The following SORCS3 variants were observed in gnomAD, a reference collection of about 807,000 sequenced individuals.
SORCS3 encodes the protein VPS10 domain-containing receptor SorCS3.
SORCS3 carries 57 observed loss-of-function variants against 146.3 expected under a neutral mutation model. That is an observed-to-expected ratio of 0.39 (90% confidence interval 0.31 to 0.49). SORCS3 has a LOEUF of 0.49. Ranked by LOEUF, SORCS3 falls within the 20% of genes least tolerant of loss-of-function variation. The probability of loss-of-function intolerance (pLI) is 0.92; values close to 1 mark genes in which losing one functional copy is unlikely to be tolerated. For synonymous variants in SORCS3, 653 were observed against 618.5 expected (o/e 1.06, Z -0.83); for missense variants, 1,341 against 1,575.5 (o/e 0.85, Z 2.52).
chr10:104,795,902 T>A (rs1429921864), intron 1 of SORCS3, among the ~76,000 whole-genome samples: 1 of 152,232 alleles, frequency 6.6e-6, no homozygotes, highest in Non-Finnish European at 1.5e-5. Context: ...TCTTTGATCT[T>A]GGCTTTCTGA....
chr10:104,948,586 A>C (rs1018831736), intron 3 of SORCS3, among the ~76,000 whole-genome samples: 1 of 152,198 alleles, frequency 6.6e-6, no homozygotes, highest in Non-Finnish European at 1.5e-5. Flanking sequence ...CTCTGCCCTC[A>C]TGGCATTAAC....
intron 2 of SORCS3, among the ~76,000 whole-genome samples, chr10:104,893,194 C>T (rs2018766175): frequency 6.6e-6 from 1 of 152,136 alleles, no homozygotes; most frequent in Non-Finnish European, 1.5e-5. Flanking sequence ...TGCTTTATTA[C>T]TTATAATTGA....
At chr10:104,740,034 A>G (rs997607027) in intron 1 of SORCS3, among the ~76,000 whole-genome samples, 4 of 152,240 alleles carry the variant, frequency 2.6e-5, no homozygotes, top group African/African-American at 9.6e-5. Flanking sequence ...CTTTCCTTTT[A>G]CAAATGGGAA....
chr10:104,940,224 ATATATATATATATATTT>A lies in SORCS3; in HGVS notation c.795+24294_795+24310del, dbSNP rs1211532572. Reference sequence around the variant, plus strand: ...TTCTTTTATATATATATATATATATATATATATATATATATTTTTTTTTTTTTTTTTATTATACTTTA... The same window carrying A: ...TTCTTTTATATATATATATATATATATTTTTTTTTTTTTTATTATACTTTA... On this transcript the variant is annotated intron_variant, in intron 3 of 26. Transcript: ENST00000369701. Among the ~76,000 whole-genome samples the A allele has an allele frequency of 5.5e-3, 142 of 25,862 alleles. 4 individuals carry two copies. In the South Asian group the frequency reaches 0.13, roughly 23 times the overall value. The allele number at this position is 25,862 out of a possible 152,430, so 17.0% of individuals were successfully genotyped here.
chr10:104,735,536 C>T (rs541388142), intron 1 of SORCS3, among the ~76,000 whole-genome samples: 15 of 143,616 alleles, frequency 1.0e-4, no homozygotes, highest in Admixed American at 1.0e-3. Context: ...CCCCTCTGCC[C>T]CACCATAGGG....
At chr10:104,847,230 G>A (rs1309934378) in intron 2 of SORCS3, among the ~76,000 whole-genome samples, 5 of 152,136 alleles carry the variant, frequency 3.3e-5, no homozygotes, top group African/African-American at 1.2e-4. Context: ...CTCTGGAAGT[G>A]GAAACTCTGA....
intron 1 of SORCS3, among the ~76,000 whole-genome samples, chr10:104,672,563 T>C (rs543366402): frequency 6.6e-6 from 1 of 152,202 alleles, no homozygotes; most frequent in African/African-American, 2.4e-5. Context: ...AGATCTTTCC[T>C]GTTTTTTAAT....
At chr10:104,825,438 A>G (rs1347736863) in intron 1 of SORCS3, among the ~76,000 whole-genome samples, 1 of 152,174 alleles carries the variant, frequency 6.6e-6, no homozygotes, top group Non-Finnish European at 1.5e-5. Context: ...TCTCAAAGAA[A>G]CAGATCACTT....
chr10:105,017,418 C>G (rs775174223), intron 4 of SORCS3, among the ~76,000 whole-genome samples: 7 of 152,116 alleles, frequency 4.6e-5, no homozygotes, highest in Non-Finnish European at 1.0e-4. Flanking sequence ...GAAAGAGTAT[C>G]AATTAACCAC....
chr10:104,714,615 T>C (rs531301157), intron 1 of SORCS3, among the ~76,000 whole-genome samples: 2 of 152,362 alleles, frequency 1.3e-5, no homozygotes, highest in South Asian at 2.1e-4. Flanking sequence ...TCTGAGGACA[T>C]ACTTTGAAGG....
chr10:105,159,115 A>G, intron 11 of SORCS3, 121 bp downstream of exon 11: 1 of 648,876 alleles, frequency 1.5e-6, no homozygotes, highest in Non-Finnish European at 2.6e-6. Context: ...CTCGCCCCAG[A>G]AAATATGCAG....
At chr10:105,214,239 G>C (rs2056651388) in intron 17 of SORCS3, among the ~76,000 whole-genome samples, 1 of 152,152 alleles carries the variant, frequency 6.6e-6, no homozygotes, top group South Asian at 2.1e-4. Flanking sequence ...CTCTTACCAA[G>C]ATGGAGGGAT....
chr10:104,912,299 G>C (rs1232739215), intron 2 of SORCS3, among the ~76,000 whole-genome samples: 1 of 152,190 alleles, frequency 6.6e-6, no homozygotes, highest in Non-Finnish European at 1.5e-5. Context: ...GCCTTCAAGA[G>C]TGTAGAATTA....
intron 14 of SORCS3, among the ~76,000 whole-genome samples, chr10:105,193,695 A>C (rs1253646328): frequency 6.6e-6 from 1 of 152,218 alleles, no homozygotes; most frequent in Non-Finnish European, 1.5e-5. Context: ...TGAGAGATGA[A>C]GTGATTTGCT....
intron 2 of SORCS3, among the ~76,000 whole-genome samples, chr10:104,895,832 C>G (rs1282431567): frequency 6.6e-6 from 1 of 152,200 alleles, no homozygotes; most frequent in Admixed American, 6.5e-5. Context: ...AATTTCCTCT[C>G]ACTTTGTTTC....
At chr10:104,804,912 T>C (rs2017664512) in intron 1 of SORCS3, among the ~76,000 whole-genome samples, 2 of 152,212 alleles carry the variant, frequency 1.3e-5, no homozygotes, top group Non-Finnish European at 2.9e-5. Context: ...ACTCTGAGGT[T>C]TCATTCATTC....
intron 7 of SORCS3, among the ~76,000 whole-genome samples, chr10:105,109,262 A>G (rs1236541656): frequency 6.6e-6 from 1 of 152,156 alleles, no homozygotes; most frequent in Non-Finnish European, 1.5e-5. Flanking sequence ...CTTAAAATAT[A>G]ATTCTGTTAG....
chr10:105,121,480 A>G (rs906550756), intron 7 of SORCS3, among the ~76,000 whole-genome samples: 1 of 152,204 alleles, frequency 6.6e-6, no homozygotes, highest in Non-Finnish European at 1.5e-5. Context: ...GGATGACACA[A>G]GAGGACAATG....
chr10:105,006,265 A>G (rs2055094920), intron 4 of SORCS3, among the ~76,000 whole-genome samples: 1 of 152,144 alleles, frequency 6.6e-6, no homozygotes, highest in Admixed American at 6.5e-5. Flanking sequence ...TCTCAGGGCA[A>G]ATACTTTGGA....
Sources: allele counts gnomAD v4.1 joint callset (sites outside exome capture counted in the v4.1 genomes callset), GRCh38; gene constraint gnomAD v4.1.1; transcripts MANE v1.5; gene names NCBI Gene and HGNC (gene_info 2026-07-23, HGNC 2026-07-21).